The following SPOCK1 variants were observed in gnomAD, a reference collection of about 807,000 sequenced individuals.
The protein encoded by SPOCK1 is SPARC (osteonectin), cwcv and kazal like domains proteoglycan 1.
A neutral mutation model predicts 55.3 loss-of-function variants in SPOCK1; 23 were observed. The ratio of observed to expected loss-of-function variants is 0.42; its 90% CI spans 0.30 to 0.59. The LOEUF (loss-of-function observed/expected upper bound fraction) is 0.59. Among genes scored for constraint, SPOCK1 ranks in the 20% least tolerant of loss-of-function variants. The pLI is 0.22. For synonymous variants in SPOCK1, 226 were observed against 221.0 expected (o/e 1.02, Z -0.20); for missense variants, 499 against 552.5 (o/e 0.90, Z 0.97).
In SPOCK1 at chr5:137,378,254, T is replaced by C. The variant is rs902901529; in HGVS notation, c.187-111199A>G. Among the ~76,000 whole-genome samples, 9 of 152,216 alleles carry C rather than the reference T, an allele frequency of 5.9e-5. 1 individual carries two copies. Among genetic ancestry groups the C allele is most frequent in the Non-Finnish European group, 1.0e-4 (7 of 68,030 alleles). ...CCACCGCACCTGGCCTTCCCTTCCA[T>C]TTCTTAGCTTTGTTCTGCATGAGAA... On this transcript the variant is annotated intron_variant, in intron 2 of 10. Transcript: ENST00000394945.
At chr5:137,318,606 G>C (rs575796985) in intron 2 of SPOCK1, among the ~76,000 whole-genome samples, 3 of 152,302 alleles carry the variant, frequency 2.0e-5, no homozygotes, top group African/African-American at 7.2e-5. Flanking sequence ...GGCCAAGTGG[G>C]TTTGAAGTGG....
rs75518168 is a variant in SPOCK1, at chr5:137,380,979, A to G, written c.187-113924T>C. 8.6e-3 allele frequency among the ~76,000 whole-genome samples: 1,312 copies of G among 152,238 alleles called. 20 individuals carry two copies. The highest frequency in any genetic ancestry group is 0.03 in the African/African-American group (1,247 of 41,546). On this transcript the variant is annotated intron_variant, in intron 2 of 10. Transcript: ENST00000394945. ...AAAGTCCAAAGGATCATCTCCCACT[A>G]AGAGCCTGTAAAATCACACACAAGT...
At chr5:137,088,309 G>C (rs1752996692) in intron 5 of SPOCK1, among the ~76,000 whole-genome samples, 1 of 152,162 alleles carries the variant, frequency 6.6e-6, no homozygotes, top group Non-Finnish European at 1.5e-5. Flanking sequence ...ATATTTGTCG[G>C]GTAAACCTGA....
intron 2 of SPOCK1, among the ~76,000 whole-genome samples, chr5:137,319,021 T>C (rs1757934189): frequency 6.6e-6 from 1 of 152,222 alleles, no homozygotes; most frequent in Non-Finnish European, 1.5e-5. Flanking sequence ...TGCCAAGCAG[T>C]GCAGTTGAAA....
rs569543478 is a variant in SPOCK1 at position 137,441,281 on chromosome 5, G to A, written c.186+57092C>T. On this transcript the variant is annotated intron_variant, in intron 2 of 10. Transcript: ENST00000394945. Reference sequence around the variant, plus strand: ...CATGGAGACATCTGAAGTGGTAGCAGAGAAAAATCACCAGGGTATGAGGCA... The same window carrying A: ...CATGGAGACATCTGAAGTGGTAGCAAAGAAAAATCACCAGGGTATGAGGCA... 3.8e-4 allele frequency among the ~76,000 whole-genome samples: 58 copies of A among 152,320 alleles called. 1 individual carries two copies. The highest frequency in any genetic ancestry group is 1.2e-4 in the Non-Finnish European group (8 of 68,024).
At chr5:137,150,436 C>T (rs1472561098) in intron 3 of SPOCK1, among the ~76,000 whole-genome samples, 1 of 152,098 alleles carries the variant, frequency 6.6e-6, no homozygotes, top group African/African-American at 2.4e-5. Context: ...TACGCTCATG[C>T]TCTTTTTGTT....
At chr5:137,062,952 G>A (rs1164696409) in intron 6 of SPOCK1, among the ~76,000 whole-genome samples, 3 of 152,172 alleles carry the variant, frequency 2.0e-5, no homozygotes, top group African/African-American at 7.2e-5. Flanking sequence ...GAAATATTCA[G>A]GGCCGGGCGC....
chr5:137,201,602 G>A (rs1387630623), intron 3 of SPOCK1, among the ~76,000 whole-genome samples: 2 of 152,136 alleles, frequency 1.3e-5, no homozygotes, highest in Non-Finnish European at 2.9e-5. Flanking sequence ...TGTAATCCAA[G>A]CCCTGGTACC....
chr5:137,239,198 G>A (rs1414533003), intron 3 of SPOCK1, among the ~76,000 whole-genome samples: 3 of 152,116 alleles, frequency 2.0e-5, no homozygotes, highest in African/African-American at 7.2e-5. Flanking sequence ...ACAAAACAAA[G>A]CCTCTATAAA....
chr5:137,205,014 C>T (rs1755494412), intron 3 of SPOCK1, among the ~76,000 whole-genome samples: 1 of 152,122 alleles, frequency 6.6e-6, no homozygotes, highest in African/African-American at 2.4e-5. Context: ...AGTGATAATC[C>T]CAATGACTCC....
intron 2 of SPOCK1, among the ~76,000 whole-genome samples, chr5:137,280,487 A>G (rs987600182): frequency 3.3e-5 from 5 of 152,372 alleles, no homozygotes; most frequent in Admixed American, 3.3e-4. Flanking sequence ...AATACAAGGC[A>G]GACTAAAGCA....
At chr5:137,291,683 T>C (rs1190569653) in intron 2 of SPOCK1, among the ~76,000 whole-genome samples, 1 of 152,206 alleles carries the variant, frequency 6.6e-6, no homozygotes, top group Non-Finnish European at 1.5e-5. Flanking sequence ...AAATGAAAGC[T>C]GATGGGAGGC....
At chr5:137,442,187 G>C (rs1165534443) in intron 2 of SPOCK1, among the ~76,000 whole-genome samples, 2 of 152,184 alleles carry the variant, frequency 1.3e-5, no homozygotes, top group Non-Finnish European at 2.9e-5. Flanking sequence ...TATATGGGTT[G>C]TTTGAAATGT....
intron 2 of SPOCK1, among the ~76,000 whole-genome samples, chr5:137,321,091 G>A (rs1047263328): frequency 2.0e-5 from 3 of 151,242 alleles, no homozygotes; most frequent in African/African-American, 4.9e-5. Flanking sequence ...AACTGAGTTG[G>A]AAATTTCACT....
intron 3 of SPOCK1, among the ~76,000 whole-genome samples, chr5:137,167,839 G>T (rs1754677849): frequency 6.6e-6 from 1 of 151,838 alleles, no homozygotes; most frequent in Admixed American, 6.6e-5. Flanking sequence ...TACTAAGAGG[G>T]AATTTTACAG....
At chr5:137,294,805 C>A (rs570086450) in intron 2 of SPOCK1, among the ~76,000 whole-genome samples, 3 of 152,234 alleles carry the variant, frequency 2.0e-5, no homozygotes, top group Non-Finnish European at 4.4e-5. Context: ...TGCCTCAGGG[C>A]CTTTGCACTT....
At chr5:137,348,039 G>C (rs538526141) in intron 2 of SPOCK1, among the ~76,000 whole-genome samples, 1 of 152,160 alleles carries the variant, frequency 6.6e-6, no homozygotes, top group Non-Finnish European at 1.5e-5. Context: ...GCTGCTGCTG[G>C]GCTGTGGGCC....
chr5:137,017,925 C>A (rs1751483706), intron 6 of SPOCK1, among the ~76,000 whole-genome samples: 1 of 152,216 alleles, frequency 6.6e-6, no homozygotes, highest in Non-Finnish European at 1.5e-5. Context: ...TACATCCAAG[C>A]AAATCAAGCC....
At chr5:137,061,093 C>T (rs1353548667) in intron 6 of SPOCK1, among the ~76,000 whole-genome samples, 1 of 152,170 alleles carries the variant, frequency 6.6e-6, no homozygotes, top group African/African-American at 2.4e-5. Context: ...GAATATGTAT[C>T]GAAAGGTTAG....
Sources: gnomAD v4.1 joint callset for allele counts (sites outside exome capture counted in the v4.1 genomes callset) on GRCh38, gnomAD v4.1.1 for gene constraint, MANE v1.5 for transcripts, NCBI Gene and HGNC (gene_info 2026-07-23, HGNC 2026-07-21) for gene names.